EDN1: variants seen among roughly 807,000 people sequenced by gnomAD.
EDN1 encodes the protein endothelin 1, also known as endothelin-1.
A neutral mutation model predicts 21.7 loss-of-function variants in EDN1; 11 were observed. The observed-to-expected ratio is 0.51, with a 90% CI of 0.32 to 0.84. The LOEUF is 0.84. EDN1 is among the 40% of genes least tolerant of loss of function. The probability of loss-of-function intolerance (pLI) is 0.03; values close to 1 mark genes in which losing one functional copy is unlikely to be tolerated. For missense variants in EDN1, 244 were observed against 262.3 expected, an observed-to-expected ratio of 0.93 and a Z score of 0.48; for synonymous variants, 85 against 90.6, an observed-to-expected ratio of 0.94 and a Z score of 0.35.
chr6:12,276,442 A>G, the EDN1 span, among the ~76,000 whole-genome samples: 1 of 152,218 alleles, frequency 6.6e-6, no homozygotes, highest in Non-Finnish European at 1.5e-5. Flanking sequence ...ACAAAGATGA[A>G]AAAAGTACAT....
the EDN1 span, among the ~76,000 whole-genome samples, chr6:12,258,257 G>A: frequency 6.7e-6 from 1 of 150,168 alleles, no homozygotes; most frequent in Non-Finnish European, 1.5e-5. Context: ...TTCGAGACCA[G>A]ACTGGGCAAC....
the EDN1 span, among the ~76,000 whole-genome samples, chr6:12,240,879 C>A: frequency 2.0e-5 from 3 of 152,094 alleles, no homozygotes; most frequent in Admixed American, 2.0e-4. Flanking sequence ...TTTTTTGCAT[C>A]CTGCTGCCTG....
Position 12,296,209 on chromosome 6 carries a change from A to C in EDN1, c.*142A>C. 1.3e-6 allele frequency: 1 copy of C among 762,796 alleles called. No individual in the cohort carries two copies. The highest frequency in any genetic ancestry group is 2.3e-6 in the Non-Finnish European group (1 of 433,392). 47.3% of individuals were successfully genotyped at this position (762,796 alleles called of 1,614,324 possible). Reference sequence around the variant, plus strand: ...GCAAAGGACCAGCGTCCTCGTTCAAAACATTCCAAGAAAGGTTAAGGAGTT... The same window carrying C: ...GCAAAGGACCAGCGTCCTCGTTCAACACATTCCAAGAAAGGTTAAGGAGTT... On this transcript the variant is annotated 3_prime_UTR_variant, in exon 5 of 5. Coordinates refer to ENST00000379375, the MANE Select transcript of EDN1 (RefSeq NM_001955.5).
In EDN1 at chr6:12,296,381, T is replaced by G; in HGVS notation, c.*314T>G. The G allele has an allele frequency of 3.0e-6, 1 of 332,362 alleles. No homozygotes were observed. Among genetic ancestry groups the G allele is most frequent in the Non-Finnish European group, 5.9e-6 (1 of 169,636 alleles). 20.6% of individuals were successfully genotyped at this position (332,362 alleles called of 1,614,324 possible). A position where few individuals can be genotyped will look rare whatever the true frequency, so the allele number is the denominator to read the frequency against. On this transcript the variant is annotated 3_prime_UTR_variant, in exon 5 of 5. Coordinates refer to ENST00000379375, the MANE Select transcript of EDN1 (RefSeq NM_001955.5). ...TCCGGAGAGAGAGAGAGGAAGGAGA[T>G]TCCACACAGGGGTGGAGTTTCTGAC...
chr6:12,253,887 T>G, the EDN1 span, among the ~76,000 whole-genome samples: 1 of 152,128 alleles, frequency 6.6e-6, no homozygotes, highest in Non-Finnish European at 1.5e-5. Context: ...TGACGTTTTG[T>G]TTTTCTACCT....
At chr6:12,262,871 T>TAAA in the EDN1 span, among the ~76,000 whole-genome samples, 1 of 132,228 alleles carries the variant, frequency 7.6e-6, no homozygotes, top group Non-Finnish European at 1.6e-5. Flanking sequence ...AAACCCTGTT[T>TAAA]AAAAAAAAAA....
chr6:12,243,934 T>C, the EDN1 span, among the ~76,000 whole-genome samples: 1 of 152,224 alleles, frequency 6.6e-6, no homozygotes, highest in African/African-American at 2.4e-5. Flanking sequence ...ATTTAGTTAC[T>C]CGTGATGGAA....
chr6:12,241,188 T>G, the EDN1 span, among the ~76,000 whole-genome samples: 1 of 145,718 alleles, frequency 6.9e-6, no homozygotes, highest in African/African-American at 2.5e-5. Flanking sequence ...TTTATTGAGA[T>G]GGAGTCTCAC....
the EDN1 span, among the ~76,000 whole-genome samples, chr6:12,246,504 GC>G: frequency 6.6e-6 from 1 of 152,136 alleles, no homozygotes; most frequent in African/African-American, 2.4e-5. Flanking sequence ...AGAGCCACTG[GC>G]AAGATCCTGG....
At chr6:12,272,859 C>T in the EDN1 span, among the ~76,000 whole-genome samples, 2 of 152,174 alleles carry the variant, frequency 1.3e-5, no homozygotes, top group Non-Finnish European at 2.9e-5. Flanking sequence ...AATGGAATGT[C>T]AGGTGTGGAC....
chr6:12,241,166 C>CTTTTTTTTTTTTTTTTT, the EDN1 span, among the ~76,000 whole-genome samples: 1 of 138,358 alleles, frequency 7.2e-6, no homozygotes, highest in Non-Finnish European at 1.5e-5. Context: ...TTCTTTCTTT[C>CTTTTTTTTTTTTTTTTT]TTTTTTTTTT....
At chr6:12,293,843 T>G in intron 2 of EDN1, 98 bp from the exon 3 acceptor site, 80 of 1,376,188 alleles carry the variant, frequency 5.8e-5, no homozygotes, top group Non-Finnish European at 7.4e-5. Flanking sequence ...TGCTATGTGA[T>G]GAGCTCCTTG....
intron 2 of EDN1, among the ~76,000 whole-genome samples, chr6:12,293,531 G>C (rs1762741087): frequency 6.6e-6 from 1 of 152,162 alleles, no homozygotes; most frequent in Admixed American, 6.5e-5. Context: ...TAAAAATCCT[G>C]TGAGTCATGG....
chr6:12,269,908 AT>A, the EDN1 span, among the ~76,000 whole-genome samples: 1 of 152,072 alleles, frequency 6.6e-6, no homozygotes, highest in Non-Finnish European at 1.5e-5. Context: ...AATGTTTGGT[AT>A]AATACAGCAG....
At chr6:12,251,012 G>A in the EDN1 span, among the ~76,000 whole-genome samples, 1 of 152,112 alleles carries the variant, frequency 6.6e-6, no homozygotes, top group African/African-American at 2.4e-5. Flanking sequence ...AGACTGAAAG[G>A]TTTGCTAAGG....
intron 4 of EDN1, among the ~76,000 whole-genome samples, chr6:12,294,666 C>T (rs1762776131): frequency 6.6e-6 from 1 of 152,184 alleles, no homozygotes; most frequent in African/African-American, 2.4e-5. Flanking sequence ...GTAGATTTCC[C>T]AACCAAAATA....
intron 2 of EDN1, among the ~76,000 whole-genome samples, chr6:12,293,505 A>G (rs1171891458): frequency 1.3e-5 from 2 of 152,184 alleles, no homozygotes; most frequent in Non-Finnish European, 2.9e-5. Context: ...CCGTGGTTTG[A>G]GTTGAAAATA....
the EDN1 span, among the ~76,000 whole-genome samples, chr6:12,256,388 C>T: frequency 1.3e-5 from 2 of 151,912 alleles, no homozygotes; most frequent in Non-Finnish European, 2.9e-5. Context: ...AAAGACCCCC[C>T]GCCCCCTAAA....
the EDN1 span, among the ~76,000 whole-genome samples, chr6:12,274,270 C>A: frequency 6.6e-6 from 1 of 152,172 alleles, no homozygotes; most frequent in Non-Finnish European, 1.5e-5. Context: ...AAGCATAAGG[C>A]AATTAGCAAC....
Sources: allele counts gnomAD v4.1 joint callset (sites outside exome capture counted in the v4.1 genomes callset), GRCh38; gene constraint gnomAD v4.1.1; transcripts MANE v1.5; gene names NCBI Gene and HGNC (gene_info 2026-07-23, HGNC 2026-07-21).